PJA2: variants seen among roughly 807,000 people sequenced by gnomAD.
PJA2 encodes the protein E3 ubiquitin-protein ligase Praja-2.
A neutral mutation model predicts 69.3 loss-of-function variants in PJA2; 25 were observed. The ratio of observed to expected loss-of-function variants is 0.36; its 90% CI spans 0.26 to 0.50. The LOEUF is 0.50. Ranked by LOEUF, PJA2 falls within the 20% of genes least tolerant of loss-of-function variation. The pLI, the probability that PJA2 is intolerant of heterozygous loss-of-function variation, is 0.96. For synonymous variants in PJA2, 308 were observed against 277.8 expected (o/e 1.11, Z -1.08); for missense variants, 809 against 830.2 (o/e 0.97, Z 0.31).
chr5:109,348,883 A>G (rs1762208853), intron 7 of PJA2, among the ~76,000 whole-genome samples: 1 of 152,166 alleles, frequency 6.6e-6, no homozygotes, highest in Non-Finnish European at 1.5e-5. Context: ...TGTTTTATGT[A>G]TCTGCTTATT....
chr5:109,345,304 C>T (rs1339436688), intron 7 of PJA2, among the ~76,000 whole-genome samples: 6 of 149,266 alleles, frequency 4.0e-5, no homozygotes, highest in African/African-American at 7.4e-5. Flanking sequence ...TGTAATGAGC[C>T]GAGATCAAGC....
At chr5:109,400,157 G>C (rs1042995008) in intron 1 of PJA2, among the ~76,000 whole-genome samples, 1 of 151,936 alleles carries the variant, frequency 6.6e-6, no homozygotes, top group Non-Finnish European at 1.5e-5. Context: ...AGACGTGGTG[G>C]TGCACGCCCA....
chr5:109,353,419 CTATATATTAGATACCTATA>C lies in PJA2; in HGVS notation c.1764+2477_1764+2495del, dbSNP rs1303842491. The stretch of plus-strand genomic sequence containing the variant: ...ATTAGATACCTATATCTATAGACAT[CTATATATTAGATACCTATA>C]TATAGATATCTATATATTAGATACC... On this transcript the variant is annotated intron_variant, in intron 7 of 9. Transcript: ENST00000361189. 2.0e-4 allele frequency among the ~76,000 whole-genome samples: 10 copies of C among 50,518 alleles called. 1 individual carries two copies. In the South Asian group the frequency reaches 4.1e-3, roughly 21 times the overall value. 33.1% of individuals were successfully genotyped at this position (50,518 alleles called of 152,430 possible).
chr5:109,350,228 T>C (rs901593207), intron 7 of PJA2, among the ~76,000 whole-genome samples: 3 of 151,868 alleles, frequency 2.0e-5, no homozygotes, highest in Admixed American at 2.0e-4. Flanking sequence ...CAGGATCACT[T>C]ATAAGCAACA....
At chr5:109,346,408 T>TAC (rs1561341782) in intron 7 of PJA2, among the ~76,000 whole-genome samples, 5 of 152,170 alleles carry the variant, frequency 3.3e-5, no homozygotes, top group African/African-American at 1.2e-4. Context: ...GTTCTGGGTA[T>TAC]ACACCCAAAA....
chr5:109,384,911 G>A (rs532434130), intron 1 of PJA2, among the ~76,000 whole-genome samples: 2 of 152,108 alleles, frequency 1.3e-5, no homozygotes, highest in African/African-American at 4.8e-5. Flanking sequence ...TCCACCTCAC[G>A]GGTTCAAGTG....
intron 1 of PJA2, among the ~76,000 whole-genome samples, chr5:109,395,949 G>A (rs906171694): frequency 1.4e-5 from 2 of 147,964 alleles, no homozygotes; most frequent in Admixed American, 6.9e-5. Context: ...GCAGTGAGCC[G>A]AGAATGCACC....
chr5:109,339,590 T>C (rs1327686487), intron 9 of PJA2, among the ~76,000 whole-genome samples: 3 of 152,222 alleles, frequency 2.0e-5, no homozygotes, highest in East Asian at 1.9e-4. Context: ...GACTCAGCCA[T>C]GCTCGAAAAT....
intron 9 of PJA2, among the ~76,000 whole-genome samples, chr5:109,340,664 C>T (rs1762033461): frequency 7.2e-5 from 1 of 13,954 alleles, no homozygotes; most frequent in African/African-American, 2.8e-4. Context: ...CCCTCCCCCT[C>T]CCCCTCCCTC....
intron 1 of PJA2, among the ~76,000 whole-genome samples, chr5:109,387,985 T>C (rs538443096): frequency 6.6e-6 from 1 of 152,340 alleles, no homozygotes; most frequent in South Asian, 2.1e-4. Flanking sequence ...GCTAAGTATT[T>C]GGGCACACAT....
chr5:109,350,103 GTTCA>G (rs1353838802), intron 7 of PJA2, among the ~76,000 whole-genome samples: 2 of 152,082 alleles, frequency 1.3e-5, no homozygotes, highest in African/African-American at 4.8e-5. Context: ...GTCTCAATGG[GTTCA>G]TTATCTCTTT....
chr5:109,351,353 A>G (rs1762248422), intron 7 of PJA2, among the ~76,000 whole-genome samples: 1 of 152,152 alleles, frequency 6.6e-6, no homozygotes, highest in Non-Finnish European at 1.5e-5. Context: ...CATAACTGGG[A>G]AAGGAAAATG....
At chr5:109,340,977 T>C (rs994755186) in intron 9 of PJA2, among the ~76,000 whole-genome samples, 1 of 137,424 alleles carries the variant, frequency 7.3e-6, no homozygotes, top group African/African-American at 2.6e-5. Flanking sequence ...AGTGGCGTGA[T>C]CTCGGCTCAC....
rs568209134 is a variant in PJA2, at chr5:109,391,930, C to T, written c.-87-8410G>A. On this transcript the variant is annotated intron_variant, in intron 1 of 9. Coordinates refer to ENST00000361189, the MANE Select transcript of PJA2 (RefSeq NM_014819.5). ...ACCCAATGAAAGATGCAGAATATTA[C>T]TCACAGAAATTTTAGAAGACATAAC... Among the ~76,000 whole-genome samples, 16 of 152,274 alleles carry T rather than the reference C, an allele frequency of 1.1e-4. No individual in the cohort carries two copies. The South Asian group carries it at 2.9e-3, about 28-fold the overall frequency.
chr5:109,372,905 CAAAAAAAA>C (rs528408590), intron 4 of PJA2, among the ~76,000 whole-genome samples: 9 of 35,706 alleles, frequency 2.5e-4, no homozygotes, highest in African/African-American at 3.0e-4. Flanking sequence ...CACTCCGTCT[CAAAAAAAA>C]AAAAAAAAAA....
At chr5:109,358,665 C>A (rs1369082695) in intron 6 of PJA2, among the ~76,000 whole-genome samples, 1 of 152,026 alleles carries the variant, frequency 6.6e-6, no homozygotes, top group East Asian at 1.9e-4. Context: ...ACAAAAAATA[C>A]AAATATTAGC....
At chr5:109,353,494 T>C (rs535166922) in intron 7 of PJA2, among the ~76,000 whole-genome samples, 51 of 95,550 alleles carry the variant, frequency 5.3e-4, no homozygotes, top group African/African-American at 1.5e-3. Context: ...ATATTAGATA[T>C]CTATAATATC....
At chr5:109,356,127 A>G (rs1762409368) in intron 6 of PJA2, 101 bp from the exon 7 acceptor site, 1 of 767,704 alleles carries the variant, frequency 1.3e-6, no homozygotes, top group Non-Finnish European at 2.2e-6. Flanking sequence ...GCCGATAAAC[A>G]TGCTGTGAAC....
chr5:109,346,210 A>G (rs1762170483), intron 7 of PJA2, among the ~76,000 whole-genome samples: 1 of 152,242 alleles, frequency 6.6e-6, no homozygotes, highest in African/African-American at 2.4e-5. Flanking sequence ...TTACAGCATC[A>G]TAAGATCATG....
Sources: allele counts gnomAD v4.1 joint callset (sites outside exome capture counted in the v4.1 genomes callset), GRCh38; gene constraint gnomAD v4.1.1; transcripts MANE v1.5; gene names NCBI Gene and HGNC (gene_info 2026-07-23, HGNC 2026-07-21).